The following BLMH variants were observed in gnomAD, a reference collection of about 807,000 sequenced individuals.
The protein encoded by BLMH is bleomycin hydrolase, also known as BLM hydrolase.
A neutral mutation model predicts 61.6 loss-of-function variants in BLMH; 32 were observed. That is an observed-to-expected ratio of 0.52 (90% CI 0.39 to 0.70). The LOEUF (loss-of-function observed/expected upper bound fraction) is 0.70, where lower values mean the gene tolerates loss of function less well. Among genes scored for constraint, BLMH ranks in the 30% least tolerant of loss-of-function variants. The pLI, the probability that BLMH is intolerant of heterozygous loss-of-function variation, is 0.00. For synonymous variants in BLMH, 183 were observed against 193.8 expected, an observed-to-expected ratio of 0.94 and a Z score of 0.46; for missense variants, 460 against 555.5, an observed-to-expected ratio of 0.83 and a Z score of 1.73.
At chr17:30,266,426 G>T (rs955399534) in intron 11 of BLMH, among the ~76,000 whole-genome samples, 1 of 150,738 alleles carries the variant, frequency 6.6e-6, no homozygotes, top group African/African-American at 2.4e-5. Context: ...TCCAGAGGCT[G>T]AGGCAGGAGA....
chr17:30,257,470 T>C (rs1292811188), intron 11 of BLMH, among the ~76,000 whole-genome samples: 1 of 152,104 alleles, frequency 6.6e-6, no homozygotes, highest in East Asian at 1.9e-4. Flanking sequence ...AGGAAAGGCA[T>C]ACCAGAAATA....
At chr17:30,270,703 T>C (rs1450897836) in intron 10 of BLMH, among the ~76,000 whole-genome samples, 2 of 152,158 alleles carry the variant, frequency 1.3e-5, no homozygotes, top group Non-Finnish European at 2.9e-5. Context: ...AGTTTATTTG[T>C]GAAAGATAAA....
At position 30,289,389 on chromosome 17, in the gene BLMH, A is replaced by G; in HGVS notation, c.305T>C (p.Leu102Pro). Reference sequence around the variant, plus strand: ...GTCCCATACCTTGTCCCAAAAAAACAGGTAAGATTGGCTAAACTCAAATTC... The same window carrying G: ...GTCCCATACCTTGTCCCAAAAAAACGGGTAAGATTGGCTAAACTCAAATTC... ...IEEFEFSQSY[L>P]FFWDKVERCY... Residue 102 changes from leucine to proline, a missense_variant, in exon 3 of 12, where the codon CTG becomes CCG. Leu to Pro is a moderately conservative substitution (Grantham distance 98). Around this residue, in one of 5 missense-constraint regions of BLMH, gnomAD observed 43 missense variants for 38.8 expected, o/e 1.11. Coordinates refer to ENST00000261714, the MANE Select transcript of BLMH (RefSeq NM_000386.4). 1 of 1,605,524 alleles carries G rather than the reference A, an allele frequency of 6.2e-7. No individual in the cohort carries two copies. The highest frequency in any genetic ancestry group is 1.3e-5 in the African/African-American group (1 of 74,822).
At chr17:30,253,063 T>G (rs1907716600) in intron 11 of BLMH, among the ~76,000 whole-genome samples, 2 of 152,208 alleles carry the variant, frequency 1.3e-5, no homozygotes, top group Non-Finnish European at 2.9e-5. Context: ...GAGAGCAGAC[T>G]AGGGAACACC....
intron 6 of BLMH, among the ~76,000 whole-genome samples, chr17:30,276,354 A>G (rs983492155): frequency 3.9e-5 from 6 of 152,206 alleles, no homozygotes; most frequent in Admixed American, 1.3e-4. Context: ...AAATGGCAGA[A>G]TTAGGATTTG....
chr17:30,272,213 C>G (rs1166477638), intron 9 of BLMH: 7 of 266,388 alleles, frequency 2.6e-5, no homozygotes, highest in Non-Finnish European at 5.0e-5. Context: ...ACATAGCAAA[C>G]GGGGGCTCTG....
chr17:30,257,403 C>T (rs1156605715), intron 11 of BLMH, among the ~76,000 whole-genome samples: 2 of 151,740 alleles, frequency 1.3e-5, no homozygotes, highest in Admixed American at 6.6e-5. Context: ...TGTGCTACCA[C>T]TAGTATAAGA....
intron 9 of BLMH, chr17:30,272,303 T>C: frequency 3.9e-6 from 2 of 514,462 alleles, no homozygotes; most frequent in Non-Finnish European, 6.9e-6. Context: ...GTCTTTCTCA[T>C]AGAGGATGGC....
chr17:30,254,599 A>G (rs1907763680), intron 11 of BLMH, among the ~76,000 whole-genome samples: 1 of 152,220 alleles, frequency 6.6e-6, no homozygotes, highest in Non-Finnish European at 1.5e-5. Flanking sequence ...CACATGAAAA[A>G]AAACCATGAA....
chr17:30,272,857 T>C lies in BLMH; in HGVS notation c.844A>G (p.Lys282Glu). The C allele has an allele frequency of 6.2e-7, 1 of 1,614,168 alleles. No individual in the cohort carries two copies. The highest frequency in any genetic ancestry group is 2.2e-5 in the East Asian group (1 of 44,874). The change falls in exon 8 of 12, where the codon AAA (lysine) becomes GAA (glutamate). Residue 282 changes from lysine (K) to glutamate (E), a missense_variant. Transcript: ENST00000261714. ...CTTAAGTATTCCACTGTGTAAAGTT[T>C]GTTGTACTTGTGCTGGGGCCTAGGG... ...NDPRPQHKYN[K>E]LYTVEYLSNM...
Position 30,266,971 on chromosome 17 carries a change from G to A in BLMH, c.1147-17C>T, listed in dbSNP as rs928544289. The A allele has an allele frequency of 2.9e-5, 47 of 1,612,610 alleles. No individual in the cohort carries two copies. The highest frequency in any genetic ancestry group is 3.9e-5 in the Non-Finnish European group (46 of 1,178,856). On this transcript the variant is annotated splice_polypyrimidine_tract_variant and intron_variant, in intron 10 of 11. Coordinates refer to ENST00000261714, the MANE Select transcript of BLMH (RefSeq NM_000386.4). The stretch of plus-strand genomic sequence containing the variant: ...CTGATCATCCTGCAAAAAAGTGGAT[G>A]ATGGTGAGTAGTCTGAAGCCAGATT...
At chr17:30,254,705 C>T (rs1289528561) in intron 11 of BLMH, among the ~76,000 whole-genome samples, 1 of 152,112 alleles carries the variant, frequency 6.6e-6, no homozygotes, top group Non-Finnish European at 1.5e-5. Context: ...AAAAGTTACC[C>T]AAACTCATCA....
chr17:30,279,316 G>A (rs901020118), intron 6 of BLMH, among the ~76,000 whole-genome samples: 4 of 152,186 alleles, frequency 2.6e-5, no homozygotes, highest in African/African-American at 9.6e-5. Context: ...GATTGATGGA[G>A]ACCCTTTGCT....
At chr17:30,288,051 A>G (rs1300687170) in intron 3 of BLMH, 104 bp from the exon 4 acceptor site, 5 of 1,187,112 alleles carry the variant, frequency 4.2e-6, no homozygotes, top group Admixed American at 2.8e-5. Context: ...TGGAATCAAC[A>G]TAATAGTTTT....
intron 9 of BLMH, among the ~76,000 whole-genome samples, chr17:30,272,046 AC>A (rs1267824376): frequency 6.6e-6 from 1 of 152,190 alleles, no homozygotes; most frequent in East Asian, 1.9e-4. Context: ...TTTATAAGTA[AC>A]CCTAAAATAG....
At chr17:30,288,031 G>A in intron 3 of BLMH, 84 bp from the exon 4 acceptor site, 1 of 1,327,408 alleles carries the variant, frequency 7.5e-7, no homozygotes, top group Non-Finnish European at 1.0e-6. Context: ...TGGGAGTCTT[G>A]GAATTACCAT....
At position 30,274,095 on chromosome 17, in the gene BLMH, G is replaced by C. The variant is rs1423554895; in HGVS notation, c.748C>G (p.Pro250Ala). 4 of 1,614,012 alleles carry C rather than the reference G, an allele frequency of 2.5e-6. No individual in the cohort carries two copies. The highest frequency in any genetic ancestry group is 1.3e-5 in the African/African-American group (1 of 74,912). Reference sequence around the variant, plus strand: ...ACATGTTCCCTGTAAAACTCCAAGGGTGTTATGGGGCCAATTTTCTGATAA... The same window carrying C: ...ACATGTTCCCTGTAAAACTCCAAGGCTGTTATGGGGCCAATTTTCTGATAA... ...KNYQKIGPIT[P>A]LEFYREHVKP... The change falls in exon 7 of 12, where the codon CCC (proline) becomes GCC (alanine). Residue 250 changes from proline to alanine, a missense_variant. Transcript: ENST00000261714.
chr17:30,269,185 T>A (rs191309133), intron 10 of BLMH, among the ~76,000 whole-genome samples: 1 of 148,050 alleles, frequency 6.8e-6, no homozygotes, highest in South Asian at 2.1e-4. Context: ...TTATTGTTTT[T>A]TTTTTTTTTT....
intron 6 of BLMH, among the ~76,000 whole-genome samples, chr17:30,280,764 C>T (rs1219549347): frequency 6.6e-6 from 1 of 152,168 alleles, no homozygotes; most frequent in Admixed American, 6.5e-5. Context: ...AGACATTAGC[C>T]ACCATGCACA....
Sources: allele counts gnomAD v4.1 joint callset (sites outside exome capture counted in the v4.1 genomes callset), GRCh38; gene constraint gnomAD v4.1.1; regional missense constraint gnomAD v4.1.1; transcripts MANE v1.5; gene names NCBI Gene and HGNC (gene_info 2026-07-23, HGNC 2026-07-21).